DLC1: variants seen among roughly 807,000 people sequenced by gnomAD.
The protein encoded by DLC1 is rho GTPase-activating protein 7.
Under a neutral mutation model 140.3 loss-of-function variants are expected in DLC1, and 54 were observed. That is an observed-to-expected ratio of 0.38 (90% confidence interval 0.31 to 0.48). The LOEUF (loss-of-function observed/expected upper bound fraction) is 0.48, where lower values mean the gene tolerates loss of function less well. Ranked by LOEUF, DLC1 falls within the 20% of genes least tolerant of loss-of-function variation. DLC1 has a pLI of 0.96. For missense variants in DLC1, 2,536 were observed against 1,907.0 expected (o/e 1.33, Z -6.14); for synonymous variants, 986 against 728.1 (o/e 1.35, Z -5.70).
intron 7 of DLC1, among the ~76,000 whole-genome samples, chr8:13,103,561 C>T (rs988675363): frequency 6.6e-6 from 1 of 150,812 alleles, no homozygotes. Context: ...GTTTGTGACT[C>T]GGCACGGTGG....
At chr8:13,104,867 A>C (rs1486259863) in intron 7 of DLC1, among the ~76,000 whole-genome samples, 1 of 152,214 alleles carries the variant, frequency 6.6e-6, no homozygotes, top group African/African-American at 2.4e-5. Flanking sequence ...ACTAAGAAAA[A>C]GTCTGCACAC....
At chr8:13,565,098 C>T (rs1410961958) in intron 1 of DLC1, among the ~76,000 whole-genome samples, 1 of 152,156 alleles carries the variant, frequency 6.6e-6, no homozygotes, top group Non-Finnish European at 1.5e-5. Flanking sequence ...GAGAAATTTT[C>T]TTCCTTAGAT....
intron 5 of DLC1, among the ~76,000 whole-genome samples, chr8:13,283,243 G>C (rs909385551): frequency 6.6e-6 from 1 of 151,460 alleles, no homozygotes; most frequent in Non-Finnish European, 1.5e-5. Flanking sequence ...GAATGTTTCC[G>C]TAAAAAGCTA....
intron 5 of DLC1, among the ~76,000 whole-genome samples, chr8:13,145,941 G>A (rs1278976792): frequency 6.6e-6 from 1 of 152,102 alleles, no homozygotes; most frequent in Non-Finnish European, 1.5e-5. Flanking sequence ...GGTTAATGGT[G>A]TTGTATTATT....
At chr8:13,419,105 A>T (rs1157886376) in intron 2 of DLC1, among the ~76,000 whole-genome samples, 1 of 152,132 alleles carries the variant, frequency 6.6e-6, no homozygotes, top group Non-Finnish European at 1.5e-5. Flanking sequence ...CAGCTTAAGG[A>T]GATTTTGGGC....
chr8:13,292,281 C>T (rs1831785377), intron 5 of DLC1, among the ~76,000 whole-genome samples: 1 of 152,152 alleles, frequency 6.6e-6, no homozygotes, highest in Admixed American at 6.5e-5. Context: ...CCACTCCCTA[C>T]ATGTGGGGAT....
At chr8:13,532,585 TC>T (rs1803136315) in intron 1 of DLC1, among the ~76,000 whole-genome samples, 2 of 151,988 alleles carry the variant, frequency 1.3e-5, no homozygotes, top group Non-Finnish European at 2.9e-5. Flanking sequence ...TCTTTCTCTC[TC>T]TCTCTCTCTC....
At chr8:13,406,954 T>C (rs1837593438) in intron 2 of DLC1, among the ~76,000 whole-genome samples, 1 of 152,230 alleles carries the variant, frequency 6.6e-6, no homozygotes, top group Admixed American at 6.5e-5. Flanking sequence ...TGTGTCTGTG[T>C]AGTGCTAAGA....
At chr8:13,151,583 G>A (rs1462638809) in intron 5 of DLC1, among the ~76,000 whole-genome samples, 1 of 152,178 alleles carries the variant, frequency 6.6e-6, no homozygotes, top group Non-Finnish European at 1.5e-5. Context: ...TTAATTGACT[G>A]TAGCTTTGCA....
intron 4 of DLC1, among the ~76,000 whole-genome samples, chr8:13,374,286 C>G (rs1015951347): frequency 7.0e-6 from 1 of 143,306 alleles, no homozygotes; most frequent in Non-Finnish European, 1.5e-5. Flanking sequence ...AAGGTCATGC[C>G]AAATCCATCT....
chr8:13,527,876 G>C (rs1440610964), intron 1 of DLC1, among the ~76,000 whole-genome samples: 1 of 152,026 alleles, frequency 6.6e-6, no homozygotes. Context: ...TATTTTCTTG[G>C]AATAGAGGTC....
At chr8:13,094,443 A>G (rs1367075168) in intron 12 of DLC1, among the ~76,000 whole-genome samples, 2 of 152,062 alleles carry the variant, frequency 1.3e-5, no homozygotes, top group Non-Finnish European at 2.9e-5. Flanking sequence ...AGGTGGGAGG[A>G]TCACTTGAGG....
chr8:13,358,555 GT>G (rs150620631), intron 4 of DLC1, among the ~76,000 whole-genome samples: 4,353 of 151,476 alleles, frequency 0.029, 193 homozygotes, highest in African/African-American at 0.098. Flanking sequence ...TGTAAGAAAA[GT>G]TTTTTTTTCT....
In DLC1 at chr8:13,297,697, T is replaced by C. The variant is rs180905293; in HGVS notation, c.1348+7572A>G. Among the ~76,000 whole-genome samples the C allele has an allele frequency of 5.3e-3, 813 of 152,290 alleles. 9 individuals carry two copies. The highest frequency in any genetic ancestry group is 0.019 in the African/African-American group (779 of 41,568). Reference sequence around the variant, plus strand: ...AAGACACAAAACAGAGCAGAGTCTTTCCAAAGAGAAGTCTGAAATAGAGCA... The same window carrying C: ...AAGACACAAAACAGAGCAGAGTCTTCCCAAAGAGAAGTCTGAAATAGAGCA... On this transcript the variant is annotated intron_variant, in intron 5 of 17. Transcript: ENST00000276297.
At chr8:13,114,002 C>T (rs62493006) in intron 6 of DLC1, among the ~76,000 whole-genome samples, 62,079 of 152,074 alleles carry the variant, frequency 0.41, 13,679 homozygotes, top group South Asian at 0.5. Flanking sequence ...AAATGGAATG[C>T]ATTAGTTCAT....
At chr8:13,185,432 C>T (rs988283654) in intron 5 of DLC1, among the ~76,000 whole-genome samples, 43 of 151,930 alleles carry the variant, frequency 2.8e-4, no homozygotes, top group African/African-American at 8.4e-4. Flanking sequence ...CTCAGCCTCC[C>T]GACTAGCTGG....
intron 4 of DLC1, among the ~76,000 whole-genome samples, chr8:13,307,199 G>A (rs1490066446): frequency 6.6e-6 from 1 of 150,550 alleles, no homozygotes; most frequent in African/African-American, 2.4e-5. Flanking sequence ...GTTCAGCACT[G>A]TTCTCTGGGT....
In DLC1 at chr8:13,179,212, G is replaced by GA. The variant is rs770185988; in HGVS notation, c.1349-63556dup. On this transcript the variant is annotated intron_variant, in intron 5 of 17. Transcript: ENST00000276297. ...GACTGTATTTATGTGAAAGCAGAAC[G>GA]AATCTCTTCTGTTAGAAATCAGGAG... Among the ~76,000 whole-genome samples the GA allele has an allele frequency of 4.6e-5, 7 of 151,758 alleles. No homozygotes were observed. The East Asian group carries it at 1.2e-3, about 25-fold the overall frequency.
At chr8:13,137,929 G>C (rs983942559) in intron 5 of DLC1, among the ~76,000 whole-genome samples, 3 of 151,930 alleles carry the variant, frequency 2.0e-5, no homozygotes, top group Non-Finnish European at 4.4e-5. Flanking sequence ...TGTTCACAGG[G>C]GTATCCGTGG....
Sources: allele counts gnomAD v4.1 joint callset (sites outside exome capture counted in the v4.1 genomes callset), GRCh38; gene constraint gnomAD v4.1.1; transcripts MANE v1.5; gene names NCBI Gene and HGNC (gene_info 2026-07-23, HGNC 2026-07-21).